SMG7: variants seen among roughly 807,000 people sequenced by gnomAD.
The protein encoded by SMG7 is SMG7 nonsense mediated mRNA decay factor, also known as nonsense-mediated mRNA decay factor SMG7.
A neutral mutation model predicts 148.2 loss-of-function variants in SMG7; 34 were observed. The observed-to-expected ratio is 0.23, with a 90% CI of 0.17 to 0.31. SMG7 has a LOEUF of 0.31. Among genes scored for constraint, SMG7 ranks in the 10% least tolerant of loss-of-function variants. The probability of loss-of-function intolerance (pLI) is 1.00; values close to 1 mark genes in which losing one functional copy is unlikely to be tolerated. For synonymous variants in SMG7, 492 were observed against 515.1 expected (o/e 0.96, Z 0.61); for missense variants, 1,114 against 1,408.4 (o/e 0.79, Z 3.35).
intron 2 of SMG7, among the ~76,000 whole-genome samples, chr1:183,515,470 AAG>A (rs1220075598): frequency 6.6e-6 from 1 of 152,192 alleles, no homozygotes; most frequent in Non-Finnish European, 1.5e-5. Flanking sequence ...GCTTTGGAAA[AAG>A]AGATACAGTA....
chr1:183,545,764 A>C (rs906087672), intron 16 of SMG7, among the ~76,000 whole-genome samples: 6 of 152,202 alleles, frequency 3.9e-5, no homozygotes, highest in Non-Finnish European at 8.8e-5. Flanking sequence ...GTTGAATTAA[A>C]AGAAAATATG....
intron 6 of SMG7, 122 bp from the exon 7 acceptor site, chr1:183,528,770 T>G (rs1666352160): frequency 1.2e-6 from 1 of 838,756 alleles, no homozygotes; most frequent in African/African-American, 1.7e-5. Flanking sequence ...AATGAGGCAG[T>G]CATATTTACC....
At chr1:183,535,722 A>G (rs1411509659) in intron 10 of SMG7, among the ~76,000 whole-genome samples, 2 of 152,200 alleles carry the variant, frequency 1.3e-5, no homozygotes, top group Non-Finnish European at 2.9e-5. Context: ...TACATGGAAT[A>G]GTGATTTTCC....
rs773503890 is a variant in SMG7, at chr1:183,546,108, C to G, written c.2513C>G (p.Pro838Arg). The G allele has an allele frequency of 1.2e-6, 2 of 1,613,974 alleles. No individual in the cohort carries two copies. Among genetic ancestry groups the G allele is most frequent in the South Asian group, 2.2e-5 (2 of 91,068 alleles). Residue 838 changes from proline to arginine, a missense_variant, in exon 17 of 23, where the codon CCT becomes CGT. Around this residue, in one of 4 missense-constraint regions of SMG7, gnomAD observed 788 missense variants for 894.5 expected, o/e 0.88. Transcript: ENST00000688051. ...IKLFEPSLQP[P>R]VMQQQPLEKK... ...CTGTTTGAGCCGTCATTGCAACCTC[C>G]TGTAATGCAGCAGCAGCCTCTAGAA... is the stretch of plus-strand genomic sequence containing the variant.
chr1:183,535,769 A>T (rs911431042), intron 10 of SMG7, among the ~76,000 whole-genome samples: 3 of 152,162 alleles, frequency 2.0e-5, no homozygotes, highest in African/African-American at 7.2e-5. Context: ...GCAGTATATC[A>T]TTAGGTAATC....
At chr1:183,525,710 A>T (rs181284195) in intron 4 of SMG7, among the ~76,000 whole-genome samples, 1 of 152,296 alleles carries the variant, frequency 6.6e-6, no homozygotes, top group Admixed American at 6.5e-5. Flanking sequence ...ACATAGGCAG[A>T]AGAGTTAGCT....
chr1:183,526,952 G>A (rs1044698645), intron 5 of SMG7, among the ~76,000 whole-genome samples, 185 bp downstream of exon 5: 2 of 152,300 alleles, frequency 1.3e-5, no homozygotes, highest in East Asian at 1.9e-4. Flanking sequence ...GCAGAGCATC[G>A]TGAAGAAAGT....
chr1:183,530,371 A>G (rs2102613889), intron 8 of SMG7, among the ~76,000 whole-genome samples: 1 of 152,286 alleles, frequency 6.6e-6, no homozygotes, highest in South Asian at 2.1e-4. Context: ...TCAATGCGAA[A>G]TAGTTTTTAC....
In SMG7 at chr1:183,547,233, T is replaced by C. The variant is rs1435952875; in HGVS notation, c.2873T>C (p.Leu958Pro). The C allele has an allele frequency of 1.3e-6, 2 of 1,549,966 alleles. No individual in the cohort carries two copies. Among genetic ancestry groups the C allele is most frequent in the Non-Finnish European group, 1.7e-6 (2 of 1,146,762 alleles). The change falls in exon 18 of 23, where the codon CTT (leucine) becomes CCT (proline). Residue 958 changes from leucine (L) to proline (P), a missense_variant. Physicochemically the swap from Leu to Pro is moderately conservative, Grantham distance 98 (BLOSUM62 -3). This residue lies in a region of SMG7 where 788 missense variants were observed against 894.5 expected (regional missense o/e 0.88). Transcript: ENST00000688051. ...YPALLGPLAS[L>P]PGRSLFKSLL... ...GCTCTGCTGGGGCCTCTCGCCTCTC[T>C]TCCTGGACGAAGCCTTTTTGTATGT...
rs1558035625 is a variant in SMG7 at position 183,532,952 on chromosome 1, TG to T, written c.844-210del. 2.0e-5 allele frequency among the ~76,000 whole-genome samples: 3 copies of T among 152,346 alleles called. No individual in the cohort carries two copies. The South Asian group carries it at 6.2e-4, about 32-fold the overall frequency. ...TTGATAAACAATTCAAACAACTCTGTGGTGTCTAGATTAATTCCTTTCAAGA... is the reference window on the plus strand; with the variant it reads ...TTGATAAACAATTCAAACAACTCTGTGTGTCTAGATTAATTCCTTTCAAGA... On this transcript the variant is annotated intron_variant, in intron 8 of 22. Coordinates refer to ENST00000688051, the MANE Select transcript of SMG7 (RefSeq NM_001375584.1).
intron 1 of SMG7, among the ~76,000 whole-genome samples, chr1:183,479,549 T>G (rs1222939547): frequency 6.6e-6 from 1 of 152,176 alleles, no homozygotes; most frequent in Non-Finnish European, 1.5e-5. Flanking sequence ...TTGGATTTTC[T>G]TTTCAGTTTT....
intron 1 of SMG7, among the ~76,000 whole-genome samples, chr1:183,475,103 A>T (rs1415664058): frequency 6.6e-6 from 1 of 152,232 alleles, no homozygotes; most frequent in Non-Finnish European, 1.5e-5. Flanking sequence ...ACTAACTGAA[A>T]TGTAGGTCTT....
intron 1 of SMG7, among the ~76,000 whole-genome samples, chr1:183,477,477 T>C (rs1397473704): frequency 2.6e-5 from 4 of 151,494 alleles, no homozygotes; most frequent in African/African-American, 7.3e-5. Context: ...TATATATGCA[T>C]ATATACACGT....
intron 1 of SMG7, among the ~76,000 whole-genome samples, chr1:183,491,950 G>C (rs1361348064): frequency 1.3e-5 from 2 of 152,170 alleles, no homozygotes; most frequent in Non-Finnish European, 2.9e-5. Context: ...GGCAAAAAAG[G>C]CCGTACCTAA....
intron 3 of SMG7, 26 bp downstream of exon 3, chr1:183,516,017 G>T (rs1663439695): frequency 7.4e-7 from 1 of 1,343,440 alleles, no homozygotes; most frequent in African/African-American, 1.4e-5. Context: ...CATTTGAGAA[G>T]TCCCTGTAAG....
chr1:183,550,276 C>T (rs139914125), intron 20 of SMG7, among the ~76,000 whole-genome samples: 3 of 152,120 alleles, frequency 2.0e-5, no homozygotes, highest in Non-Finnish European at 4.4e-5. Context: ...TGTGGTGTTG[C>T]CCACTCTAGA....
At chr1:183,476,748 G>A (rs1571708591) in intron 1 of SMG7, among the ~76,000 whole-genome samples, 1 of 127,038 alleles carries the variant, frequency 7.9e-6, no homozygotes, top group Non-Finnish European at 1.7e-5. Flanking sequence ...AAAATACTTT[G>A]TTATGTTTTA....
At chr1:183,481,609 T>C (rs1479487044) in intron 1 of SMG7, among the ~76,000 whole-genome samples, 3 of 152,202 alleles carry the variant, frequency 2.0e-5, no homozygotes, top group African/African-American at 7.2e-5. Context: ...ATGCCAGTGC[T>C]AGGCTCTGAG....
At chr1:183,517,651 CACTGCTATACCAA>C in intron 3 of SMG7, 24 bp from the exon 4 acceptor site, 3 of 1,610,950 alleles carry the variant, frequency 1.9e-6, no homozygotes, top group Non-Finnish European at 2.5e-6. Context: ...CCCAGTGAGT[CACTGCTATACCAA>C]ATAGAATTAC....
Sources: gnomAD v4.1 joint callset for allele counts (sites outside exome capture counted in the v4.1 genomes callset) on GRCh38, gnomAD v4.1.1 for gene constraint, gnomAD v4.1.1 regional missense constraint, MANE v1.5 for transcripts, NCBI Gene and HGNC (gene_info 2026-07-23, HGNC 2026-07-21) for gene names.